Variants in PRR5L observed in about 807,000 individuals in gnomAD.
The protein encoded by PRR5L is proline rich 5 like, also known as proline-rich protein 5-like.
In PRR5L, 21 loss-of-function variants were observed where a neutral mutation model predicts 36.4. That is an observed-to-expected ratio of 0.58 (90% CI 0.41 to 0.83). The LOEUF is 0.83. PRR5L is among the 40% of genes least tolerant of loss of function. The pLI is 0.00. For missense variants in PRR5L, 381 were observed against 473.3 expected, an observed-to-expected ratio of 0.80 and a Z score of 1.81; for synonymous variants, 188 against 197.0, an observed-to-expected ratio of 0.95 and a Z score of 0.38.
At chr11:36,345,319 T>C (rs1856853971) in intron 1 of PRR5L, among the ~76,000 whole-genome samples, 1 of 152,080 alleles carries the variant, frequency 6.6e-6, no homozygotes, top group African/African-American at 2.4e-5. Flanking sequence ...CAGAGAGATA[T>C]GCTGTGTCTT....
At chr11:36,457,272 A>T (rs560032042) in intron 8 of PRR5L, among the ~76,000 whole-genome samples, 4 of 152,270 alleles carry the variant, frequency 2.6e-5, no homozygotes, top group Non-Finnish European at 5.9e-5. Context: ...ATCTTTCCAG[A>T]TACCCCTTCC....
chr11:36,322,785 C>T (rs1856625597), intron 1 of PRR5L, among the ~76,000 whole-genome samples: 1 of 152,158 alleles, frequency 6.6e-6, no homozygotes, highest in African/African-American at 2.4e-5. Flanking sequence ...AGACCTAACC[C>T]CTCATACCTA....
chr11:36,310,866 G>A (rs550317814), intron 1 of PRR5L, among the ~76,000 whole-genome samples: 23 of 151,928 alleles, frequency 1.5e-4, no homozygotes, highest in African/African-American at 3.9e-4. Flanking sequence ...GCATGGTGGC[G>A]TGTGCCTGTA....
In PRR5L at chr11:36,311,311, G is replaced by A. The variant is rs139814069; in HGVS notation, c.-126+14873G>A. On this transcript the variant is annotated intron_variant, in intron 1 of 8. Transcript: ENST00000530639. ...TTGGTGACATATCTAGCACCAACAG[G>A]ACATTTTCACAACTTCAGGCAAGCA... Among the ~76,000 whole-genome samples the A allele has an allele frequency of 3.9e-3, 599 of 152,290 alleles. 3 individuals are homozygous for A. The highest frequency in any genetic ancestry group is 0.014 in the African/African-American group (582 of 41,570).
chr11:36,372,972 A>G (rs1028414737), intron 1 of PRR5L, among the ~76,000 whole-genome samples: 2 of 109,384 alleles, frequency 1.8e-5, no homozygotes, highest in African/African-American at 3.4e-5. Flanking sequence ...GCGCTGCCTA[A>G]TAGTTGTGTG....
At chr11:36,411,039 A>G (rs988305124) in intron 3 of PRR5L, among the ~76,000 whole-genome samples, 5 of 152,194 alleles carry the variant, frequency 3.3e-5, no homozygotes, top group Non-Finnish European at 7.4e-5. Context: ...AACTACTGAT[A>G]TGGTTATTCC....
At chr11:36,391,731 C>A (rs1298493406) in intron 1 of PRR5L, among the ~76,000 whole-genome samples, 1 of 152,132 alleles carries the variant, frequency 6.6e-6, no homozygotes, top group East Asian at 1.9e-4. Context: ...TTATGGGGTA[C>A]ATGAGATATT....
chr11:36,332,993 T>C (rs1856734339), intron 1 of PRR5L, among the ~76,000 whole-genome samples: 1 of 152,150 alleles, frequency 6.6e-6, no homozygotes, highest in African/African-American at 2.4e-5. Context: ...CCATGTCCAC[T>C]GGCTTTCCCT....
chr11:36,374,365 T>C (rs1036360321), intron 1 of PRR5L, among the ~76,000 whole-genome samples: 2 of 151,960 alleles, frequency 1.3e-5, no homozygotes, highest in Admixed American at 6.6e-5. Flanking sequence ...AGTGCTGGGA[T>C]TACAGGCGTG....
chr11:36,397,398 G>A (rs1857685347), intron 1 of PRR5L, among the ~76,000 whole-genome samples: 1 of 128,670 alleles, frequency 7.8e-6, no homozygotes, highest in East Asian at 2.8e-4. Flanking sequence ...GTAAGTTTAT[G>A]TATTGTGACA....
intron 1 of PRR5L, among the ~76,000 whole-genome samples, chr11:36,351,611 TTATATA>T (rs1160486424): frequency 0.81 from 13,972 of 17,316 alleles, 5,883 homozygotes; most frequent in Middle Eastern, 0.94. Flanking sequence ...AAATATATAT[TTATATA>T]TTTATATATT....
intron 1 of PRR5L, chr11:36,396,067 A>G (rs34423115): frequency 1.3e-5 from 2 of 152,198 alleles, no homozygotes; most frequent in African/African-American, 2.4e-5. Context: ...GCGTGTGTAT[A>G]AACTTTTAAA....
chr11:36,340,967 A>T (rs1482280083), intron 1 of PRR5L, among the ~76,000 whole-genome samples: 4 of 152,186 alleles, frequency 2.6e-5, no homozygotes, highest in African/African-American at 9.7e-5. Context: ...AACAGAGGGA[A>T]TTAATTAATT....
intron 1 of PRR5L, among the ~76,000 whole-genome samples, chr11:36,375,234 C>CAA (rs35932528): frequency 7.1e-6 from 1 of 140,690 alleles, no homozygotes; most frequent in African/African-American, 2.6e-5. Context: ...GAAACTGTCT[C>CAA]AAAAAAAAAA....
At chr11:36,353,799 A>T (rs1369277552) in intron 1 of PRR5L, among the ~76,000 whole-genome samples, 1 of 151,992 alleles carries the variant, frequency 6.6e-6, no homozygotes, top group African/African-American at 2.4e-5. Flanking sequence ...CCCACCACTC[A>T]CCTCCTGCTC....
chr11:36,338,176 C>T (rs966629854), intron 1 of PRR5L, among the ~76,000 whole-genome samples: 1 of 152,246 alleles, frequency 6.6e-6, no homozygotes, highest in South Asian at 2.1e-4. Flanking sequence ...CTAGTAGTCT[C>T]TACCATAGCC....
chr11:36,318,057 C>T (rs1161349336), intron 1 of PRR5L, among the ~76,000 whole-genome samples: 2 of 152,160 alleles, frequency 1.3e-5, no homozygotes, highest in Non-Finnish European at 2.9e-5. Context: ...TGTTCCTTTT[C>T]TATGTTTACA....
At chr11:36,459,656 T>C (rs1482641027) in intron 8 of PRR5L, among the ~76,000 whole-genome samples, 4 of 152,336 alleles carry the variant, frequency 2.6e-5, no homozygotes, top group Middle Eastern at 3.4e-3. Context: ...ACCCAGCTCA[T>C]TGGGTTGAGA....
intron 4 of PRR5L, among the ~76,000 whole-genome samples, chr11:36,421,011 A>G (rs1245140084): frequency 2.0e-5 from 3 of 152,222 alleles, no homozygotes; most frequent in Non-Finnish European, 4.4e-5. Flanking sequence ...GAGAGAGATA[A>G]TTAGTCACAA....
Sources: allele counts gnomAD v4.1 joint callset (sites outside exome capture counted in the v4.1 genomes callset), GRCh38; gene constraint gnomAD v4.1.1; transcripts MANE v1.5; gene names NCBI Gene and HGNC (gene_info 2026-07-23, HGNC 2026-07-21).